MYOZ3: variants seen among roughly 807,000 people sequenced by gnomAD.
MYOZ3 encodes the protein myozenin 3.
MYOZ3 carries 19 observed loss-of-function variants against 26.5 expected under a neutral mutation model. The observed-to-expected ratio is 0.72, with a 90% CI of 0.50 to 1.05. The LOEUF (loss-of-function observed/expected upper bound fraction) is 1.05, where lower values mean the gene tolerates loss of function less well. MYOZ3 is among the 50% of genes least tolerant of loss of function. MYOZ3 has a pLI of 0.00. For synonymous variants in MYOZ3, 135 were observed against 138.8 expected (o/e 0.97, Z 0.19); for missense variants, 322 against 337.1 (o/e 0.96, Z 0.35).
intron 2 of MYOZ3, among the ~76,000 whole-genome samples, chr5:150,666,746 T>G (rs1325339615): frequency 6.7e-6 from 1 of 149,458 alleles, no homozygotes; most frequent in African/African-American, 2.5e-5. Context: ...CTCCAATTAA[T>G]TTATACTGGA....
intron 6 of MYOZ3, 107 bp from the exon 7 acceptor site, chr5:150,676,600 A>T: frequency 1.1e-6 from 1 of 930,330 alleles, no homozygotes; most frequent in Non-Finnish European, 1.6e-6. Context: ...GGGAAAACTG[A>T]GGCTCAGAGA....
intron 1 of MYOZ3, among the ~76,000 whole-genome samples, 160 bp from the exon 2 acceptor site, chr5:150,662,781 G>C (rs1489272643): frequency 6.6e-6 from 1 of 152,198 alleles, no homozygotes; most frequent in African/African-American, 2.4e-5. Flanking sequence ...TCCTCTGCAC[G>C]GAGACCCTGA....
At chr5:150,665,058 G>C in intron 2 of MYOZ3, among the ~76,000 whole-genome samples, 1 of 149,176 alleles carries the variant, frequency 6.7e-6, no homozygotes, top group Non-Finnish European at 1.5e-5. Flanking sequence ...ATCCTAGTAT[G>C]ATTTATCTCA....
At position 150,677,067 on chromosome 5, in the gene MYOZ3, C is replaced by A; in HGVS notation, c.*192C>A. 1.7e-6 allele frequency: 1 copy of A among 581,614 alleles called. No individual in the cohort carries two copies. Among genetic ancestry groups the A allele is most frequent in the Non-Finnish European group, 3.0e-6 (1 of 329,602 alleles). The allele number at this position is 581,614 out of a possible 1,614,324, so 36.0% of individuals were successfully genotyped here. A position where few individuals can be genotyped will look rare whatever the true frequency, so the allele number is the denominator to read the frequency against. ...TCAAAATTACCTGGGGATGTTGTTCCAAATCCAGACAACTGGACTGTCCCA... is the reference window on the plus strand; with the variant it reads ...TCAAAATTACCTGGGGATGTTGTTCAAAATCCAGACAACTGGACTGTCCCA... On this transcript the variant is annotated 3_prime_UTR_variant, in exon 7 of 7. Transcript: ENST00000517768.
At chr5:150,666,379 T>G (rs2151444750) in intron 2 of MYOZ3, among the ~76,000 whole-genome samples, 1 of 152,124 alleles carries the variant, frequency 6.6e-6, no homozygotes, top group African/African-American at 2.4e-5. Context: ...TTTGGGAGGC[T>G]GAGGCGGGCA....
At chr5:150,665,304 G>A (rs112247324) in intron 2 of MYOZ3, among the ~76,000 whole-genome samples, 6 of 152,248 alleles carry the variant, frequency 3.9e-5, no homozygotes, top group South Asian at 2.1e-4. Flanking sequence ...GTGACCCCGC[G>A]GGGAGCTCTC....
At position 150,677,047 on chromosome 5, in the gene MYOZ3, A is replaced by G. The variant is rs113787782; in HGVS notation, c.*172A>G. ...TCCCAAAACATGGGTGTGTTTCAAA[A>G]TTACCTGGGGATGTTGTTCCAAATC... On this transcript the variant is annotated 3_prime_UTR_variant, in exon 7 of 7. Transcript: ENST00000517768. 22,146 of 614,164 alleles carry G rather than the reference A, an allele frequency of 0.036. 2,555 individuals carry two copies. Among genetic ancestry groups the G allele is most frequent in the African/African-American group, 0.29 (15,716 of 54,160 alleles). 38.0% of individuals were successfully genotyped at this position (614,164 alleles called of 1,614,324 possible).
At chr5:150,667,234 T>G (rs151128647) in intron 2 of MYOZ3, among the ~76,000 whole-genome samples, 5 of 152,322 alleles carry the variant, frequency 3.3e-5, no homozygotes, top group African/African-American at 1.2e-4. Flanking sequence ...TCCATCTCCC[T>G]AGTTCATTCA....
intron 2 of MYOZ3, among the ~76,000 whole-genome samples, chr5:150,664,732 C>T (rs533699723): frequency 1.6e-4 from 24 of 152,134 alleles, no homozygotes; most frequent in Non-Finnish European, 3.5e-4. Context: ...CAATTTGACT[C>T]CAGGTCTCTT....
At chr5:150,671,238 A>G (rs1017641659) in intron 3 of MYOZ3, among the ~76,000 whole-genome samples, 2 of 152,202 alleles carry the variant, frequency 1.3e-5, no homozygotes, top group Non-Finnish European at 2.9e-5. Context: ...CGCCTTTGCT[A>G]TGTGCCTAAG....
At chr5:150,672,809 C>G in intron 6 of MYOZ3, 1 of 335,772 alleles carries the variant, frequency 3.0e-6, no homozygotes, top group Non-Finnish European at 5.4e-6. Flanking sequence ...ATGAACAACC[C>G]GGCCAAAGCC....
Position 150,670,655 on chromosome 5 carries a change from TG to T in MYOZ3, c.216+18del, listed in dbSNP as rs1283211901. Reference sequence around the variant, plus strand: ...CAGCGGGCGGTGAGTAAGCCACCATTGTGCTCATGGGGAAAATGAGGACCAC... The same window carrying T: ...CAGCGGGCGGTGAGTAAGCCACCATTTGCTCATGGGGAAAATGAGGACCAC... On this transcript the variant is annotated intron_variant, in intron 3 of 6. Transcript: ENST00000517768. 1 of 1,596,072 alleles carries T rather than the reference TG, an allele frequency of 6.3e-7. No homozygotes were observed. The highest frequency in any genetic ancestry group is 8.6e-7 in the Non-Finnish European group (1 of 1,167,528).
Position 150,666,342 on chromosome 5 carries a change from G to A in MYOZ3, c.61+3340G>A, listed in dbSNP as rs183791779. On this transcript the variant is annotated intron_variant, in intron 2 of 6. Coordinates refer to ENST00000517768, the MANE Select transcript of MYOZ3 (RefSeq NM_001122853.3). ...TAATATAGAAATGGGGGCCGGGCGC[G>A]GTGGCTCACACCTGTAATCCCAACA... Among the ~76,000 whole-genome samples the A allele has an allele frequency of 8.5e-4, 129 of 152,010 alleles. 1 individual carries two copies. Among genetic ancestry groups the A allele is most frequent in the Non-Finnish European group, 2.2e-4 (15 of 67,992 alleles).
intron 2 of MYOZ3, among the ~76,000 whole-genome samples, chr5:150,667,946 G>T (rs1758834760): frequency 6.6e-6 from 1 of 152,218 alleles, no homozygotes; most frequent in Non-Finnish European, 1.5e-5. Context: ...AAAATTTGCA[G>T]TAATGATTTG....
intron 2 of MYOZ3, among the ~76,000 whole-genome samples, chr5:150,668,148 G>C (rs970294068): frequency 6.6e-6 from 1 of 152,180 alleles, no homozygotes; most frequent in African/African-American, 2.4e-5. Context: ...TTGTCCTGTA[G>C]AATGTCCTGC....
upstream of MYOZ3, chr5:150,661,178 T>C (rs1758724984): frequency 6.6e-6 from 1 of 152,372 alleles, no homozygotes; most frequent in Non-Finnish European, 1.5e-5. Context: ...TTCCCTAGGG[T>C]CTGGTGCTTT....
At chr5:150,665,082 C>G (rs115005295) in intron 2 of MYOZ3, among the ~76,000 whole-genome samples, 1 of 151,924 alleles carries the variant, frequency 6.6e-6, no homozygotes, top group Admixed American at 6.6e-5. Context: ...CTTCCTTCCC[C>G]GTGCTTACCA....
At chr5:150,674,829 A>G (rs60333909) in intron 6 of MYOZ3, among the ~76,000 whole-genome samples, 13,425 of 152,196 alleles carry the variant, frequency 0.088, 1,839 homozygotes, top group African/African-American at 0.29. Flanking sequence ...GGCCAACATG[A>G]TGAAATCTCA....
chr5:150,671,765 C>T lies in MYOZ3; in HGVS notation c.281C>T (p.Ala94Val), dbSNP rs1409501702. Reference protein sequence around the residue: ...GTAESGTVANANGPEGPNYRS... With the variant: ...GTAESGTVANVNGPEGPNYRS... ...CGCCCCTGTGCCCAGGTTGCCAATG[C>T]CAATGGCCCTGAGGGGCCGAACTAC... The change falls in exon 5 of 7, where the codon GCC (alanine) becomes GTC (valine). Residue 94 changes from alanine to valine, a missense_variant. Coordinates refer to ENST00000517768, the MANE Select transcript of MYOZ3 (RefSeq NM_001122853.3). 1.9e-6 allele frequency: 3 copies of T among 1,613,292 alleles called. No individual in the cohort carries two copies. The highest frequency in any genetic ancestry group is 2.5e-6 in the Non-Finnish European group (3 of 1,179,932).
Sources: allele counts gnomAD v4.1 joint callset (sites outside exome capture counted in the v4.1 genomes callset), GRCh38; gene constraint gnomAD v4.1.1; transcripts MANE v1.5; gene names NCBI Gene and HGNC (gene_info 2026-07-23, HGNC 2026-07-21).